Variants in BCL2 observed in about 807,000 individuals in gnomAD.
The protein encoded by BCL2 is BCL2 apoptosis regulator, also known as apoptosis regulator Bcl-2.
In BCL2, 1 loss-of-function variant was observed where a neutral mutation model predicts 14.2. The ratio of observed to expected loss-of-function variants is 0.07; its 90% confidence interval spans 0.02 to 0.33. The LOEUF (loss-of-function observed/expected upper bound fraction) is 0.33, where lower values mean the gene tolerates loss of function less well. BCL2 is among the 10% of genes least tolerant of loss of function. The probability of loss-of-function intolerance (pLI) is 0.99; values close to 1 mark genes in which losing one functional copy is unlikely to be tolerated. For synonymous variants in BCL2, 151 were observed against 137.2 expected (o/e 1.10, Z -0.70); for missense variants, 247 against 305.9 (o/e 0.81, Z 1.44).
chr18:63,195,261 C>T (rs1014461806), intron 2 of BCL2, among the ~76,000 whole-genome samples: 1 of 152,212 alleles, frequency 6.6e-6, no homozygotes, highest in African/African-American at 2.4e-5. Flanking sequence ...TGTCATTTAT[C>T]AATACAGGCC....
At chr18:63,292,999 G>T (rs1347431984) in intron 2 of BCL2, among the ~76,000 whole-genome samples, 1 of 152,178 alleles carries the variant, frequency 6.6e-6, no homozygotes, top group African/African-American at 2.4e-5. Flanking sequence ...TGGTTGGAGG[G>T]TGTGTCCCCA....
chr18:63,266,864 C>T lies in BCL2; in HGVS notation c.585+51218G>A, dbSNP rs73475350. Among the ~76,000 whole-genome samples, 191 of 152,244 alleles carry T rather than the reference C, an allele frequency of 1.3e-3. 1 individual carries two copies. The highest frequency in any genetic ancestry group is 4.5e-3 in the African/African-American group (187 of 41,538). The stretch of plus-strand genomic sequence containing the variant: ...AGTAAAGGAAGGAATATATGTAAAG[C>T]CTTTAGGTCAGTGCCTGGCACACAG... On this transcript the variant is annotated intron_variant, in intron 2 of 2. Coordinates refer to ENST00000333681, the MANE Select transcript of BCL2 (RefSeq NM_000633.3).
intron 2 of BCL2, among the ~76,000 whole-genome samples, chr18:63,247,511 G>A (rs1028644415): frequency 6.6e-6 from 1 of 151,906 alleles, no homozygotes; most frequent in African/African-American, 2.4e-5. Flanking sequence ...ATAGGATCTT[G>A]GTACTTCCTT....
In BCL2 at chr18:63,138,593, C is replaced by T. The variant is rs149179077; in HGVS notation, c.586-9834G>A. 4.2e-4 allele frequency among the ~76,000 whole-genome samples: 64 copies of T among 152,368 alleles called. 3 individuals are homozygous for T. The East Asian group carries it at 0.012, about 28-fold the overall frequency. On this transcript the variant is annotated intron_variant, in intron 2 of 2. Coordinates refer to ENST00000333681, the MANE Select transcript of BCL2 (RefSeq NM_000633.3). ...GAGAAGCACAAGGATTTGCCTTCCT[C>T]CAGGCTGGCGAAGGCTGCTCCCCAA...
At chr18:63,266,088 G>A (rs562585465) in intron 2 of BCL2, among the ~76,000 whole-genome samples, 3 of 152,146 alleles carry the variant, frequency 2.0e-5, no homozygotes, top group East Asian at 1.9e-4. Flanking sequence ...AGATCAACTC[G>A]TATGTGTGCA....
At chr18:63,195,093 C>A (rs1218626217) in intron 2 of BCL2, among the ~76,000 whole-genome samples, 1 of 152,164 alleles carries the variant, frequency 6.6e-6, no homozygotes, top group African/African-American at 2.4e-5. Flanking sequence ...TGGAAATCGA[C>A]CAGAGTGACC....
rs1568222410 is a variant in BCL2, at chr18:63,169,299, T to C, written c.586-40540A>G. Among the ~76,000 whole-genome samples, 117 of 86,570 alleles carry C rather than the reference T, an allele frequency of 1.4e-3. 2 individuals are homozygous for C. The highest frequency in any genetic ancestry group is 3.0e-3 in the Admixed American group (25 of 8,318). The allele number at this position is 86,570 out of a possible 152,430, so 56.8% of individuals were successfully genotyped here. On this transcript the variant is annotated intron_variant, in intron 2 of 2. Transcript: ENST00000333681. ...TTCTTTCTTTCTTTCTTTCTTTCTT[T>C]CTTTCTTTCTTCCTTCCTTCCTTCT... is the stretch of plus-strand genomic sequence containing the variant.
chr18:63,200,971 C>T (rs147553482), intron 2 of BCL2, among the ~76,000 whole-genome samples: 34 of 152,210 alleles, frequency 2.2e-4, no homozygotes, highest in African/African-American at 6.5e-4. Context: ...CTAATGAATC[C>T]GCTGCATCCT....
At chr18:63,163,469 T>C (rs1914972335) in intron 2 of BCL2, among the ~76,000 whole-genome samples, 1 of 152,204 alleles carries the variant, frequency 6.6e-6, no homozygotes, top group Non-Finnish European at 1.5e-5. Context: ...TAACAGCAGA[T>C]GAAGCAACCT....
rs1054004660 is a variant in BCL2 at position 63,282,086 on chromosome 18, T to C, written c.585+35996A>G. On this transcript the variant is annotated intron_variant, in intron 2 of 2. Transcript: ENST00000333681. ...CTAAGTATTCTATTTGCAATTTGAC[T>C]GTAGCCCATAGCCTTTTGTCGGCTA... Among the ~76,000 whole-genome samples the C allele has an allele frequency of 3.3e-5, 5 of 152,372 alleles. No individual in the cohort carries two copies. The South Asian group carries it at 6.2e-4, about 19-fold the overall frequency.
At chr18:63,132,027 C>T (rs755404125) in intron 2 of BCL2, among the ~76,000 whole-genome samples, 5 of 152,202 alleles carry the variant, frequency 3.3e-5, no homozygotes, top group Admixed American at 6.5e-5. Flanking sequence ...ATATGCATTA[C>T]GTAGAACAAT....
chr18:63,181,588 A>G (rs541127790), intron 2 of BCL2, among the ~76,000 whole-genome samples: 2 of 152,320 alleles, frequency 1.3e-5, no homozygotes, highest in South Asian at 4.1e-4. Context: ...CAGCAGAGAG[A>G]ACGAAGTTAT....
chr18:63,124,764 T>C lies in BCL2; in HGVS notation c.*3861A>G. 1 of 229,888 alleles carries C rather than the reference T, an allele frequency of 4.3e-6. No homozygotes were observed. Among genetic ancestry groups the C allele is most frequent in the South Asian group, 1.8e-4 (1 of 5,488 alleles). The allele number at this position is 229,888 out of a possible 1,614,324, so 14.2% of individuals were successfully genotyped here. On this transcript the variant is annotated 3_prime_UTR_variant, in exon 3 of 3. Transcript: ENST00000333681. Reference sequence around the variant, plus strand: ...AGTGTGTAACCACATTTGTCTGGGCTGCAAAAGACACCACAGAATAAGATC... The same window carrying C: ...AGTGTGTAACCACATTTGTCTGGGCCGCAAAAGACACCACAGAATAAGATC...
At chr18:63,268,248 A>G (rs1271070943) in intron 2 of BCL2, among the ~76,000 whole-genome samples, 1 of 152,244 alleles carries the variant, frequency 6.6e-6, no homozygotes, top group African/African-American at 2.4e-5. Flanking sequence ...TAGAAAGAGC[A>G]TTCTGTGGTT....
intron 2 of BCL2, among the ~76,000 whole-genome samples, chr18:63,212,580 A>G (rs1054189878): frequency 2.7e-5 from 4 of 149,924 alleles, no homozygotes; most frequent in African/African-American, 9.7e-5. Flanking sequence ...TTTCTCAAAT[A>G]AAAGTTGCTA....
intron 2 of BCL2, among the ~76,000 whole-genome samples, chr18:63,228,452 C>T (rs1017491219): frequency 6.6e-6 from 1 of 152,164 alleles, no homozygotes; most frequent in African/African-American, 2.4e-5. Context: ...ATCTACCTCA[C>T]CTTGCCTTAT....
chr18:63,299,908 A>T (rs1015991429), intron 2 of BCL2, among the ~76,000 whole-genome samples: 1 of 151,060 alleles, frequency 6.6e-6, no homozygotes, highest in Non-Finnish European at 1.5e-5. Context: ...CCAGGAAAAA[A>T]CTCACTGGAC....
intron 2 of BCL2, among the ~76,000 whole-genome samples, chr18:63,238,616 AATG>A (rs1446541381): frequency 6.6e-6 from 1 of 152,226 alleles, no homozygotes; most frequent in African/African-American, 2.4e-5. Flanking sequence ...ATTAAAAGAA[AATG>A]ATGAAGCAAT....
At chr18:63,165,295 T>C (rs1255464392) in intron 2 of BCL2, among the ~76,000 whole-genome samples, 1 of 152,138 alleles carries the variant, frequency 6.6e-6, no homozygotes, top group Admixed American at 6.5e-5. Context: ...GTGTCTTGGT[T>C]TGGATGAACC....
Sources: allele counts gnomAD v4.1 joint callset (sites outside exome capture counted in the v4.1 genomes callset), GRCh38; gene constraint gnomAD v4.1.1; transcripts MANE v1.5; gene names NCBI Gene and HGNC (gene_info 2026-07-23, HGNC 2026-07-21).